SLC7A11: variants seen among roughly 807,000 people sequenced by gnomAD.
SLC7A11 encodes solute carrier family 7 member 11, also known as cystine/glutamate transporter.
A neutral mutation model predicts 54.5 loss-of-function variants in SLC7A11; 35 were observed. The ratio of observed to expected loss-of-function variants is 0.64; its 90% CI spans 0.49 to 0.85. SLC7A11 has a LOEUF of 0.85. Among genes scored for constraint, SLC7A11 ranks in the 40% least tolerant of loss-of-function variants. The pLI is 0.00. For missense variants in SLC7A11, 583 were observed against 618.1 expected (o/e 0.94, Z 0.60); for synonymous variants, 230 against 225.2 (o/e 1.02, Z -0.19).
At chr4:138,193,823 G>T (rs1737068734) in intron 6 of SLC7A11, among the ~76,000 whole-genome samples, 1 of 151,972 alleles carries the variant, frequency 6.6e-6, no homozygotes, top group Non-Finnish European at 1.5e-5. Flanking sequence ...AAATATAGAT[G>T]AGTTGGCTTT....
chr4:138,197,340 GA>G (rs1283686602), intron 6 of SLC7A11, among the ~76,000 whole-genome samples: 1 of 152,020 alleles, frequency 6.6e-6, no homozygotes, highest in Non-Finnish European at 1.5e-5. Context: ...CTGAAAAGTA[GA>G]AAATCATATT....
intron 6 of SLC7A11, among the ~76,000 whole-genome samples, chr4:138,194,488 C>T (rs895297018): frequency 1.3e-5 from 2 of 152,176 alleles, no homozygotes; most frequent in Admixed American, 1.3e-4. Flanking sequence ...GTGCCACTAT[C>T]TAATGGCTCA....
chr4:138,172,042 A>G (rs1437349772), intron 11 of SLC7A11, 25 bp from the exon 12 acceptor site: 1 of 1,570,536 alleles, frequency 6.4e-7, no homozygotes, highest in Middle Eastern at 1.8e-4. Context: ...AAATGAATTA[A>G]AAATGCATGG....
intron 9 of SLC7A11, among the ~76,000 whole-genome samples, chr4:138,181,650 C>A (rs1360619039): frequency 6.6e-6 from 1 of 152,082 alleles, no homozygotes; most frequent in African/African-American, 2.4e-5. Context: ...AGAAATGTTA[C>A]AAAATCATCA....
At chr4:138,172,380 G>A (rs1241814890) in intron 11 of SLC7A11, among the ~76,000 whole-genome samples, 1 of 152,150 alleles carries the variant, frequency 6.6e-6, no homozygotes, top group Non-Finnish European at 1.5e-5. Flanking sequence ...TTGCACCTAT[G>A]AGATTACAAT....
intron 11 of SLC7A11, among the ~76,000 whole-genome samples, chr4:138,173,224 C>T (rs1317852628): frequency 1.3e-5 from 2 of 152,144 alleles, no homozygotes; most frequent in Non-Finnish European, 2.9e-5. Flanking sequence ...ACAGCCTGAC[C>T]TCTTGATGGT....
chr4:138,191,414 A>G (rs980017469), intron 6 of SLC7A11, among the ~76,000 whole-genome samples: 1 of 152,150 alleles, frequency 6.6e-6, no homozygotes, highest in Non-Finnish European at 1.5e-5. Context: ...AGACAGAGAG[A>G]CCTGTAGGGA....
chr4:138,208,323 A>C (rs1737458511), intron 6 of SLC7A11, among the ~76,000 whole-genome samples: 1 of 152,114 alleles, frequency 6.6e-6, no homozygotes, highest in African/African-American at 2.4e-5. Flanking sequence ...GGAATAAATG[A>C]AGTGAGAAGA....
rs757081330 is a variant in SLC7A11 at position 138,242,085 on chromosome 4, G to A, written c.-16C>T. 5.0e-6 allele frequency: 8 copies of A among 1,611,506 alleles called. No individual in the cohort carries two copies. The South Asian group carries it at 6.6e-5, about 13-fold the overall frequency. On this transcript the variant is annotated 5_prime_UTR_variant, in exon 1 of 12. Coordinates refer to ENST00000280612, the MANE Select transcript of SLC7A11 (RefSeq NM_014331.4). ...TTCTGACCATAGTAGGGACACACGG[G>A]GGAAAAATAAAACAGAGGGAAAGAA...
chr4:138,233,051 T>C (rs970254771), intron 2 of SLC7A11, among the ~76,000 whole-genome samples: 2 of 152,066 alleles, frequency 1.3e-5, no homozygotes, highest in Non-Finnish European at 2.9e-5. Flanking sequence ...TATAGAAATA[T>C]AGGTAATACA....
At position 138,185,251 on chromosome 4, in the gene SLC7A11, T is replaced by C. The variant is rs1301057800; in HGVS notation, c.792-7A>G. Reference sequence around the variant, plus strand: ...TATTGCAAGGGGAATGGTTCTGAAATGCACAAAGGAATCACTTATTCATTA... The same window carrying C: ...TATTGCAAGGGGAATGGTTCTGAAACGCACAAAGGAATCACTTATTCATTA... On this transcript the variant is annotated splice_region_variant and splice_polypyrimidine_tract_variant and intron_variant, in intron 6 of 11. Coordinates refer to ENST00000280612, the MANE Select transcript of SLC7A11 (RefSeq NM_014331.4). 6.2e-7 allele frequency: 1 copy of C among 1,612,090 alleles called. No individual in the cohort carries two copies. Among genetic ancestry groups the C allele is most frequent in the Non-Finnish European group, 8.5e-7 (1 of 1,178,564 alleles).
chr4:138,199,288 T>C (rs1578647313), intron 6 of SLC7A11, among the ~76,000 whole-genome samples: 1 of 151,836 alleles, frequency 6.6e-6, no homozygotes, highest in Admixed American at 6.6e-5. Context: ...AATTTCATCA[T>C]ATTTTTTTGG....
intron 5 of SLC7A11, among the ~76,000 whole-genome samples, chr4:138,217,335 G>A (rs187032437): frequency 6.6e-6 from 1 of 152,108 alleles, no homozygotes; most frequent in Admixed American, 6.5e-5. Flanking sequence ...GGATTATATG[G>A]GTAAAAGTAT....
At chr4:138,223,935 C>G (rs1050452571) in intron 3 of SLC7A11, among the ~76,000 whole-genome samples, 3 of 152,146 alleles carry the variant, frequency 2.0e-5, no homozygotes, top group African/African-American at 7.2e-5. Flanking sequence ...GCACAATATT[C>G]TAAGTGATGA....
At chr4:138,230,319 C>T (rs1057143534) in intron 3 of SLC7A11, among the ~76,000 whole-genome samples, 3 of 151,386 alleles carry the variant, frequency 2.0e-5, no homozygotes, top group Non-Finnish European at 4.4e-5. Flanking sequence ...GGTTTAGTAC[C>T]TGGGTGATGA....
chr4:138,232,188 C>T, intron 3 of SLC7A11, 79 bp downstream of exon 3: 12 of 991,522 alleles, frequency 1.2e-5, no homozygotes, highest in Non-Finnish European at 1.6e-5. Flanking sequence ...TCCCGCAATG[C>T]AAAAAGTCTA....
intron 6 of SLC7A11, among the ~76,000 whole-genome samples, chr4:138,207,880 A>T (rs2081202506): frequency 6.6e-6 from 1 of 152,090 alleles, no homozygotes; most frequent in Non-Finnish European, 1.5e-5. Context: ...ACGGTTATAA[A>T]ACTGTCCTAC....
chr4:138,194,288 T>C (rs760063008), intron 6 of SLC7A11, among the ~76,000 whole-genome samples: 9 of 152,142 alleles, frequency 5.9e-5, no homozygotes, highest in Non-Finnish European at 1.0e-4. Flanking sequence ...TCTCCTCTCC[T>C]CAGGCTGTCC....
chr4:138,196,533 G>A (rs1737135342), intron 6 of SLC7A11, among the ~76,000 whole-genome samples: 1 of 152,074 alleles, frequency 6.6e-6, no homozygotes, highest in African/African-American at 2.4e-5. Context: ...ATTGTGTTTT[G>A]TGTATGCATA....
Sources: allele counts gnomAD v4.1 joint callset (sites outside exome capture counted in the v4.1 genomes callset), GRCh38; gene constraint gnomAD v4.1.1; transcripts MANE v1.5; gene names NCBI Gene and HGNC (gene_info 2026-07-23, HGNC 2026-07-21).